Variants in ANKS1B observed in about 807,000 individuals in gnomAD.
ANKS1B encodes ankyrin repeat and sterile alpha motif domain-containing protein 1B.
ANKS1B carries 36 observed loss-of-function variants against 148.3 expected under a neutral mutation model. The ratio of observed to expected loss-of-function variants is 0.24; its 90% CI spans 0.19 to 0.32. ANKS1B has a LOEUF of 0.32. ANKS1B is among the 10% of genes least tolerant of loss of function. The probability of loss-of-function intolerance (pLI) is 1.00; values close to 1 mark genes in which losing one functional copy is unlikely to be tolerated. For synonymous variants in ANKS1B, 542 were observed against 560.8 expected (o/e 0.97, Z 0.47); for missense variants, 1,157 against 1,542.6 (o/e 0.75, Z 4.19).
intron 17 of ANKS1B, among the ~76,000 whole-genome samples, chr12:99,006,475 A>T (rs1481400587): frequency 6.6e-6 from 1 of 152,180 alleles, no homozygotes; most frequent in Non-Finnish European, 1.5e-5. Flanking sequence ...CATTCCTATA[A>T]ACATTTATCT....
chr12:99,059,426 A>T (rs1329098387), intron 16 of ANKS1B, among the ~76,000 whole-genome samples: 1 of 152,072 alleles, frequency 6.6e-6, no homozygotes, highest in African/African-American at 2.4e-5. Context: ...TGTATTTTGT[A>T]CTCCATGTTA....
chr12:99,290,581 G>A (rs1168993341), intron 12 of ANKS1B, among the ~76,000 whole-genome samples: 1 of 151,868 alleles, frequency 6.6e-6, no homozygotes, highest in African/African-American at 2.4e-5. Flanking sequence ...ATCATGACCA[G>A]GTTGGATTTA....
At chr12:99,002,055 G>A (rs774315884) in intron 17 of ANKS1B, among the ~76,000 whole-genome samples, 1 of 152,064 alleles carries the variant, frequency 6.6e-6, no homozygotes, top group Non-Finnish European at 1.5e-5. Context: ...CACCTGTGAT[G>A]GACACTTAGG....
intron 12 of ANKS1B, among the ~76,000 whole-genome samples, chr12:99,330,377 A>G (rs1032074148): frequency 6.6e-5 from 10 of 151,942 alleles, no homozygotes; most frequent in African/African-American, 2.4e-4. Flanking sequence ...CCTGAGTGCC[A>G]GGAAATGCAG....
Position 99,984,555 on chromosome 12 carries a change from T to G in ANKS1B, c.-318A>C. On this transcript the variant is annotated 5_prime_UTR_variant, in exon 1 of 27. Transcript: ENST00000683438. ...GGGTGCGGCGTGAGGGGGTGGGGAC[T>G]CGGGGGTGCTTTTGAGGAGCGGGAG... 2 of 260,770 alleles carry G rather than the reference T, an allele frequency of 7.7e-6. No homozygotes were observed. The highest frequency in any genetic ancestry group is 1.5e-5 in the Non-Finnish European group (2 of 134,266). 16.2% of individuals were successfully genotyped at this position (260,770 alleles called of 1,614,324 possible). A position where few individuals can be genotyped will look rare whatever the true frequency, so the allele number is the denominator to read the frequency against.
intron 6 of ANKS1B, among the ~76,000 whole-genome samples, chr12:99,775,886 G>A (rs2063602037): frequency 6.6e-6 from 1 of 152,068 alleles, no homozygotes; most frequent in African/African-American, 2.4e-5. Flanking sequence ...TTATTTGGGA[G>A]AAACTCTTGA....
chr12:99,791,494 AC>A (rs1426710394), intron 4 of ANKS1B, among the ~76,000 whole-genome samples: 2 of 152,022 alleles, frequency 1.3e-5, no homozygotes, highest in African/African-American at 4.8e-5. Context: ...TCAAGGACAG[AC>A]CACATGTTAG....
At chr12:99,495,987 C>T (rs2096600453) in intron 10 of ANKS1B, among the ~76,000 whole-genome samples, 1 of 152,206 alleles carries the variant, frequency 6.6e-6, no homozygotes, top group African/African-American at 2.4e-5. Context: ...AGGTTGACCA[C>T]AGTCCAGTAA....
intron 8 of ANKS1B, among the ~76,000 whole-genome samples, chr12:99,661,508 A>G (rs2098477350): frequency 6.6e-6 from 1 of 152,152 alleles, no homozygotes; most frequent in Admixed American, 6.6e-5. Flanking sequence ...CATGAGAATA[A>G]GCAACCCGAC....
intron 2 of ANKS1B, among the ~76,000 whole-genome samples, chr12:99,819,061 C>T (rs953665024): frequency 6.6e-6 from 1 of 151,798 alleles, no homozygotes; most frequent in African/African-American, 2.4e-5. Flanking sequence ...AAAATAAATG[C>T]AAATCATCTT....
intron 14 of ANKS1B, among the ~76,000 whole-genome samples, chr12:99,203,274 C>G (rs2082275282): frequency 6.6e-6 from 1 of 152,156 alleles, no homozygotes; most frequent in Non-Finnish European, 1.5e-5. Flanking sequence ...ATGGTTCCAA[C>G]AACACTTCAT....
At chr12:99,909,437 T>C (rs774987756) in intron 1 of ANKS1B, among the ~76,000 whole-genome samples, 3 of 152,152 alleles carry the variant, frequency 2.0e-5, no homozygotes, top group South Asian at 2.1e-4. Context: ...CTGAGTTATA[T>C]TGTAGTCTTA....
intron 10 of ANKS1B, among the ~76,000 whole-genome samples, chr12:99,495,139 T>C (rs192998988): frequency 1.7e-4 from 26 of 152,304 alleles, no homozygotes; most frequent in Admixed American, 7.2e-4. Context: ...AATGAATGTT[T>C]ACCTTGTTAT....
At chr12:99,142,659 A>AGAATTT (rs1375520917) in intron 15 of ANKS1B, among the ~76,000 whole-genome samples, 3 of 152,160 alleles carry the variant, frequency 2.0e-5, no homozygotes, top group Non-Finnish European at 4.4e-5. Context: ...AAGTACAATA[A>AGAATTT]GAATTTGATA....
Position 99,887,884 on chromosome 12 carries a change from A to G in ANKS1B, c.135-62495T>C, listed in dbSNP as rs534809316. On this transcript the variant is annotated intron_variant, in intron 1 of 26. Coordinates refer to ENST00000683438, the MANE Select transcript of ANKS1B (RefSeq NM_001352186.2). ...CTCGGTCTAGGTTAACACAACCTCCATGACCAGAAAACCAGGTACAGAATG... is the reference window on the plus strand; with the variant it reads ...CTCGGTCTAGGTTAACACAACCTCCGTGACCAGAAAACCAGGTACAGAATG... Among the ~76,000 whole-genome samples the G allele has an allele frequency of 3.9e-5, 6 of 152,314 alleles. No individual in the cohort carries two copies. In the East Asian group the frequency reaches 1.2e-3, roughly 29 times the overall value.
chr12:99,963,504 T>C (rs1034242255), intron 1 of ANKS1B, among the ~76,000 whole-genome samples: 4 of 152,216 alleles, frequency 2.6e-5, no homozygotes, highest in African/African-American at 9.7e-5. Flanking sequence ...AAATGTGGCA[T>C]GCAAAGCTGA....
At chr12:98,915,979 C>G (rs1407276248) in intron 17 of ANKS1B, among the ~76,000 whole-genome samples, 1 of 152,122 alleles carries the variant, frequency 6.6e-6, no homozygotes, top group Non-Finnish European at 1.5e-5. Context: ...TCCGGAGCCC[C>G]TTCACCATCT....
At chr12:99,694,893 G>A (rs965993642) in intron 8 of ANKS1B, among the ~76,000 whole-genome samples, 1 of 152,112 alleles carries the variant, frequency 6.6e-6, no homozygotes, top group Non-Finnish European at 1.5e-5. Flanking sequence ...CTTTCTCAAG[G>A]CAAGTACAGT....
intron 1 of ANKS1B, among the ~76,000 whole-genome samples, chr12:99,927,896 A>G (rs1318419285): frequency 6.6e-6 from 1 of 152,190 alleles, no homozygotes; most frequent in Non-Finnish European, 1.5e-5. Flanking sequence ...AAATAATACT[A>G]TAACTAAAAA....
Sources: gnomAD v4.1 joint callset for allele counts (sites outside exome capture counted in the v4.1 genomes callset) on GRCh38, gnomAD v4.1.1 for gene constraint, MANE v1.5 for transcripts, NCBI Gene and HGNC (gene_info 2026-07-23, HGNC 2026-07-21) for gene names.